Variants in XPNPEP3 observed in about 807,000 individuals in gnomAD.
The protein encoded by XPNPEP3 is xaa-Pro aminopeptidase 3.
XPNPEP3 carries 41 observed loss-of-function variants against 60.0 expected under a neutral mutation model. The ratio of observed to expected loss-of-function variants is 0.68; its 90% CI spans 0.53 to 0.89. The LOEUF (loss-of-function observed/expected upper bound fraction) is 0.89, where lower values mean the gene tolerates loss of function less well. Ranked by LOEUF, XPNPEP3 falls within the 40% of genes least tolerant of loss-of-function variation. XPNPEP3 has a pLI of 0.00. For synonymous variants in XPNPEP3, 212 were observed against 223.2 expected (o/e 0.95, Z 0.45); for missense variants, 598 against 638.9 (o/e 0.94, Z 0.69).
At chr22:40,861,102 T>C (rs1019031934) in intron 1 of XPNPEP3, 1 of 1,610,804 alleles carries the variant, frequency 6.2e-7, no homozygotes, top group Non-Finnish European at 8.5e-7. Flanking sequence ...TTGCACCTCT[T>C]TACGCTTCTT....
intron 1 of XPNPEP3, chr22:40,862,791 ATTGTCT>A: frequency 1.0e-6 from 1 of 981,908 alleles, no homozygotes; most frequent in Non-Finnish European, 1.2e-6. Context: ...ATAATTATTG[ATTGTCT>A]ACTTTGTGCC....
rs892069501 is a variant in XPNPEP3 at position 40,927,993 on chromosome 22, G to T, written c.*1558G>T. On this transcript the variant is annotated 3_prime_UTR_variant, in exon 10 of 10. Transcript: ENST00000357137. ...GTTACCCTTTTAGCTGTTGTGCTGC[G>T]CAGGAGCAGATCCTCTACTTACGTA... 1 of 151,894 alleles carries T rather than the reference G, an allele frequency of 6.6e-6. No individual in the cohort carries two copies. Among genetic ancestry groups the T allele is most frequent in the Admixed American group, 6.6e-5 (1 of 15,230 alleles). 9.4% of individuals were successfully genotyped at this position (151,894 alleles called of 1,614,324 possible). A position where few individuals can be genotyped will look rare whatever the true frequency, so the allele number is the denominator to read the frequency against.
intron 2 of XPNPEP3, among the ~76,000 whole-genome samples, chr22:40,878,609 C>T (rs1460553356): frequency 1.4e-5 from 2 of 146,860 alleles, no homozygotes; most frequent in East Asian, 2.0e-4. Context: ...TTTTTTGAGA[C>T]GGAATCTTAC....
intron 4 of XPNPEP3, among the ~76,000 whole-genome samples, chr22:40,897,515 T>C (rs955882580): frequency 4.6e-5 from 7 of 151,936 alleles, no homozygotes; most frequent in African/African-American, 1.7e-4. Context: ...TTTTTTTTCT[T>C]TTTTTGAGAC....
rs2058248615 is a variant in XPNPEP3, at chr22:40,929,845, A to AT, written c.*3416dup. ...CAGACATACCCATTTCCCTTTAGTA[A>AT]TTTTTTAATACAGAGAATGCTATTA... On this transcript the variant is annotated 3_prime_UTR_variant, in exon 10 of 10. Coordinates refer to ENST00000357137, the MANE Select transcript of XPNPEP3 (RefSeq NM_022098.4). 6.6e-6 allele frequency: 1 copy of AT among 152,134 alleles called. No individual in the cohort carries two copies. Among genetic ancestry groups the AT allele is most frequent in the Non-Finnish European group, 1.5e-5 (1 of 68,032 alleles). 9.4% of individuals were successfully genotyped at this position (152,134 alleles called of 1,614,324 possible).
intron 4 of XPNPEP3, among the ~76,000 whole-genome samples, chr22:40,903,874 TCACACACACACACA>T (rs10560459): frequency 1.6e-4 from 24 of 146,022 alleles, no homozygotes; most frequent in East Asian, 6.1e-4. Flanking sequence ...TCTCTCTCTG[TCACACACACACACA>T]CACACACACA....
chr22:40,924,215 C>CT, intron 8 of XPNPEP3, 147 bp from the exon 9 acceptor site: 1 of 1,120,934 alleles, frequency 8.9e-7, no homozygotes, highest in South Asian at 1.3e-5. Context: ...TTTCAGGTGC[C>CT]TTTAAGTATT....
At chr22:40,892,612 G>C (rs1016113308) in intron 4 of XPNPEP3, among the ~76,000 whole-genome samples, 1 of 152,180 alleles carries the variant, frequency 6.6e-6, no homozygotes, top group Admixed American at 6.5e-5. Context: ...ACATGTTGTC[G>C]CCATTAAATG....
chr22:40,873,780 G>A (rs921763530), intron 2 of XPNPEP3, among the ~76,000 whole-genome samples: 7 of 152,006 alleles, frequency 4.6e-5, no homozygotes, highest in African/African-American at 7.2e-5. Flanking sequence ...CTAGGCAACC[G>A]AGCAAGACCG....
rs1375663344 is a variant in XPNPEP3 at position 40,926,542 on chromosome 22, C to T, written c.*107C>T. 7.6e-7 allele frequency: 1 copy of T among 1,307,362 alleles called. No individual in the cohort carries two copies. The allele number at this position is 1,307,362 out of a possible 1,614,324, so 81.0% of individuals were successfully genotyped here. On this transcript the variant is annotated 3_prime_UTR_variant, in exon 10 of 10. Transcript: ENST00000357137. ...TGTGTGTGCATTAATATATGCATTC[C>T]ATTTGGGAGCATAGCAGCTGTGTGA...
intron 4 of XPNPEP3, among the ~76,000 whole-genome samples, chr22:40,887,324 G>T (rs777203686): frequency 6.6e-6 from 1 of 152,158 alleles, no homozygotes; most frequent in Non-Finnish European, 1.5e-5. Context: ...CAGGCAGGAT[G>T]TATCTTTCTC....
intron 3 of XPNPEP3, among the ~76,000 whole-genome samples, chr22:40,883,514 A>G (rs540484576): frequency 2.0e-5 from 3 of 151,974 alleles, no homozygotes; most frequent in Admixed American, 1.3e-4. Context: ...GCACACCACT[A>G]TGTCTGGCTA....
chr22:40,932,648 A>G lies in XPNPEP3; in HGVS notation c.*6213A>G, dbSNP rs1402970694. On this transcript the variant is annotated 3_prime_UTR_variant, in exon 10 of 10. Transcript: ENST00000357137. ...TGAGAAAACTTCAATCTTTACCAGCATTTCTTAATGCTTTCCATGACTTTT... is the reference window on the plus strand; with the variant it reads ...TGAGAAAACTTCAATCTTTACCAGCGTTTCTTAATGCTTTCCATGACTTTT... 6.6e-6 allele frequency: 1 copy of G among 152,156 alleles called. No homozygotes were observed. The highest frequency in any genetic ancestry group is 1.5e-5 in the Non-Finnish European group (1 of 68,030). The allele number at this position is 152,156 out of a possible 1,614,324, so 9.4% of individuals were successfully genotyped here. A position where few individuals can be genotyped will look rare whatever the true frequency, so the allele number is the denominator to read the frequency against.
rs559182885 is a variant in XPNPEP3 at position 40,908,785 on chromosome 22, C to T, written c.856-337C>T. 5.9e-5 allele frequency among the ~76,000 whole-genome samples: 9 copies of T among 152,262 alleles called. No individual in the cohort carries two copies. The South Asian group carries it at 1.7e-3, about 28-fold the overall frequency. On this transcript the variant is annotated intron_variant, in intron 5 of 9. Transcript: ENST00000357137. Reference sequence around the variant, plus strand: ...CCTTACATGATAGTATTTCAAGGCTCAGCCTTCATCATAGTTTTCTATCTT... The same window carrying T: ...CCTTACATGATAGTATTTCAAGGCTTAGCCTTCATCATAGTTTTCTATCTT...
chr22:40,869,600 G>A lies in XPNPEP3; in HGVS notation c.181+485G>A, dbSNP rs530205618. 6.6e-5 allele frequency among the ~76,000 whole-genome samples: 10 copies of A among 152,236 alleles called. No homozygotes were observed. The East Asian group carries it at 1.9e-3, about 29-fold the overall frequency. ...CTATATAGATTAAGCAAGATTTCCA[G>A]ATTTGTTTGTCACAGATTTGAGAGG... is the stretch of plus-strand genomic sequence containing the variant. On this transcript the variant is annotated intron_variant, in intron 2 of 9. Transcript: ENST00000357137.
Position 40,931,323 on chromosome 22 carries a change from G to A in XPNPEP3, c.*4888G>A, listed in dbSNP as rs946977469. The stretch of plus-strand genomic sequence containing the variant: ...TGAAGGAAACATATCTGGATATCCA[G>A]TGTCACATACTTTTATGTATTTATT... On this transcript the variant is annotated 3_prime_UTR_variant, in exon 10 of 10. Transcript: ENST00000357137. 6.6e-6 allele frequency: 1 copy of A among 152,164 alleles called. No homozygotes were observed. The highest frequency in any genetic ancestry group is 1.9e-4 in the East Asian group (1 of 5,204). 9.4% of individuals were successfully genotyped at this position (152,164 alleles called of 1,614,324 possible). A position where few individuals can be genotyped will look rare whatever the true frequency, so the allele number is the denominator to read the frequency against.
intron 7 of XPNPEP3, among the ~76,000 whole-genome samples, chr22:40,914,531 ATTTTTTTTT>A (rs560908648): frequency 1.2e-4 from 8 of 67,654 alleles, no homozygotes; most frequent in African/African-American, 1.7e-4. Context: ...ACTAACAAAG[ATTTTTTTTT>A]TTTTTTTTTT....
chr22:40,903,886 AC>A lies in XPNPEP3; in HGVS notation c.793-3700del, dbSNP rs2058144630. ...ATCTCTCTCTCTGTCACACACACACACACACACACACACACACACACACACA... is the reference window on the plus strand; with the variant it reads ...ATCTCTCTCTCTGTCACACACACACAACACACACACACACACACACACACA... On this transcript the variant is annotated intron_variant, in intron 4 of 9. Coordinates refer to ENST00000357137, the MANE Select transcript of XPNPEP3 (RefSeq NM_022098.4). 2.0e-5 allele frequency among the ~76,000 whole-genome samples: 3 copies of A among 151,298 alleles called. No homozygotes were observed. The South Asian group carries it at 6.3e-4, about 32-fold the overall frequency.
At chr22:40,922,232 G>A (rs2146280666) in intron 7 of XPNPEP3, 101 bp from the exon 8 acceptor site, 2 of 1,402,774 alleles carry the variant, frequency 1.4e-6, no homozygotes, top group East Asian at 2.3e-5. Context: ...CAGTGCCCCA[G>A]CAACAGCAGC....
Sources: gnomAD v4.1 joint callset for allele counts (sites outside exome capture counted in the v4.1 genomes callset) on GRCh38, gnomAD v4.1.1 for gene constraint, MANE v1.5 for transcripts, NCBI Gene and HGNC (gene_info 2026-07-23, HGNC 2026-07-21) for gene names.